The following INAVA variants were observed in gnomAD, a reference collection of about 807,000 sequenced individuals.
The protein encoded by INAVA is innate immunity activator protein.
In INAVA, 32 loss-of-function variants were observed where a neutral mutation model predicts 55.3. That is an observed-to-expected ratio of 0.58 (90% CI 0.44 to 0.78). INAVA has a LOEUF of 0.78. INAVA is among the 30% of genes least tolerant of loss of function. The pLI, the probability that INAVA is intolerant of heterozygous loss-of-function variation, is 0.00. For synonymous variants in INAVA, 294 were observed against 329.4 expected (o/e 0.89, Z 1.16); for missense variants, 756 against 786.4 (o/e 0.96, Z 0.46).
intron 8 of INAVA, among the ~76,000 whole-genome samples, chr1:200,910,915 A>C (rs2102315712): frequency 6.6e-6 from 1 of 152,330 alleles, no homozygotes; most frequent in East Asian, 1.9e-4. Context: ...TGGGTACCAC[A>C]TGACAGCTTT....
chr1:200,908,796 A>G lies in INAVA; in HGVS notation c.641A>G (p.Gln214Arg). The G allele has an allele frequency of 6.2e-7, 1 of 1,613,312 alleles. No individual in the cohort carries two copies. Among genetic ancestry groups the G allele is most frequent in the Non-Finnish European group, 8.5e-7 (1 of 1,179,688 alleles). ...CCACCTTCTCGGCCTCTCCCACCCC[A>G]AACCCTTGAGGGTCTGCAGCCAACA... is the stretch of plus-strand genomic sequence containing the variant. ...PAPPSRPLPP[Q>R]TLEGLQPTGP... The change falls in exon 7 of 10, where the codon CAA (glutamine) becomes CGA (arginine). Residue 214 changes from glutamine (Q) to arginine (R), a missense_variant. Gln to Arg is a conservative substitution (Grantham distance 43, BLOSUM62 1). This residue lies in a region of INAVA where 639 missense variants were observed against 624.3 expected (regional missense o/e 1.02). Coordinates refer to ENST00000413687, the MANE Select transcript of INAVA (RefSeq NM_001142569.3).
At chr1:200,891,560 T>TA, upstream of INAVA, 6 of 1,603,050 alleles carry the variant, frequency 3.7e-6, no homozygotes, top group Non-Finnish European at 5.1e-6. Context: ...ATGCCGAAGT[T>TA]AAATGAAATA....
chr1:200,911,719 C>T lies in INAVA; in HGVS notation c.1226C>T (p.Ala409Val). The T allele has an allele frequency of 1.9e-6, 3 of 1,613,098 alleles. No individual in the cohort carries two copies. The highest frequency in any genetic ancestry group is 1.1e-5 in the South Asian group (1 of 91,034). The part of the protein sequence containing the change: ...SPPKTHRHRG[A>V]WVPAGSRELV... ...CCCAAGACCCATCGTCACCGCGGGG[C>T]CTGGGTCCCAGCCGGCAGCAGAGAG... is the stretch of plus-strand genomic sequence containing the variant. Residue 409 changes from alanine to valine, a missense_variant, in exon 9 of 10, where the codon GCC becomes GTC. Ala to Val is a moderately conservative substitution (Grantham distance 64). Transcript: ENST00000413687.
chr1:200,899,403 G>C, intron 2 of INAVA, 70 bp from the exon 3 acceptor site: 1 of 1,600,770 alleles, frequency 6.2e-7, no homozygotes, highest in Non-Finnish European at 8.5e-7. Context: ...TCCCCTAGGG[G>C]TGGTCAATAA....
intron 9 of INAVA, 140 bp downstream of exon 9, chr1:200,912,277 C>G (rs1653785967): frequency 2.3e-6 from 2 of 861,860 alleles, no homozygotes; most frequent in Middle Eastern, 3.4e-4. Context: ...CTAGGAAGAA[C>G]AGGCCAAAAA....
At chr1:200,899,336 C>A in intron 2 of INAVA, 137 bp from the exon 3 acceptor site, 1 of 1,304,384 alleles carries the variant, frequency 7.7e-7, no homozygotes, top group Non-Finnish European at 1.1e-6. Context: ...AGCCAGCCTG[C>A]AATTTGTGGG....
intron 9 of INAVA, among the ~76,000 whole-genome samples, chr1:200,912,605 C>T (rs764854866): frequency 1.3e-5 from 2 of 152,110 alleles, no homozygotes; most frequent in East Asian, 1.9e-4. Flanking sequence ...ACCACCAAGC[C>T]GAGAAGAAGG....
Position 200,901,006 on chromosome 1 carries a change from T to C in INAVA, c.367T>C (p.Cys123Arg), listed in dbSNP as rs1653229993. The C allele has an allele frequency of 6.4e-7, 1 of 1,551,424 alleles. No homozygotes were observed. The highest frequency in any genetic ancestry group is 2.0e-5 in the Admixed American group (1 of 51,164). Residue 123 changes from cysteine to arginine, a missense_variant, in exon 5 of 10, where the codon TGC becomes CGC. Physicochemically the swap from Cys to Arg is radical, Grantham distance 180 (BLOSUM62 -3). Around this residue, in one of 2 missense-constraint regions of INAVA, gnomAD observed 639 missense variants for 624.3 expected, o/e 1.02. Transcript: ENST00000413687. ...GATCACAGAGGCAGCCCGTCGGCTG[T>C]GCCTGGAGGAGAACCTCAGCAGGCA... ...LQITEAARRL[C>R]LEENLSRQAR...
chr1:200,894,734 C>T (rs899715573), upstream of INAVA: 109 of 947,242 alleles, frequency 1.2e-4, 1 homozygote, highest in Middle Eastern at 2.7e-3. Flanking sequence ...GGGGATTCCT[C>T]CATGGGAGCC....
intron 2 of INAVA, among the ~76,000 whole-genome samples, chr1:200,898,853 C>T (rs1236598396): frequency 6.6e-6 from 1 of 152,046 alleles, no homozygotes; most frequent in Non-Finnish European, 1.5e-5. Flanking sequence ...TCCTGGCTAC[C>T]ACATAGTCCC....
intron 6 of INAVA, 49 bp from the exon 7 acceptor site, chr1:200,908,681 G>T: frequency 6.8e-7 from 1 of 1,471,088 alleles, no homozygotes; most frequent in East Asian, 2.4e-5. Flanking sequence ...TTCTTGTTGG[G>T]CCGGTTCCCC....
At chr1:200,907,766 G>T in intron 5 of INAVA, 68 bp from the exon 6 acceptor site, 1 of 1,376,842 alleles carries the variant, frequency 7.3e-7, no homozygotes, top group Non-Finnish European at 1.0e-6. Context: ...GCTCAGCACT[G>T]CTGGTTACTC....
At chr1:200,904,674 AG>A (rs921022288) in intron 5 of INAVA, among the ~76,000 whole-genome samples, 1 of 151,134 alleles carries the variant, frequency 6.6e-6, no homozygotes, top group Non-Finnish European at 1.5e-5. Context: ...GAGCTAGGGC[AG>A]GGTTGGGACA....
At chr1:200,903,411 G>A (rs1465643541) in intron 5 of INAVA, among the ~76,000 whole-genome samples, 2 of 151,994 alleles carry the variant, frequency 1.3e-5, no homozygotes, top group Non-Finnish European at 2.9e-5. Context: ...TTGAACCTGG[G>A]AGGTGGAGCC....
At position 200,909,415 on chromosome 1, in the gene INAVA, C is replaced by A; in HGVS notation, c.959+18C>A. On this transcript the variant is annotated intron_variant, in intron 8 of 9. Transcript: ENST00000413687. The stretch of plus-strand genomic sequence containing the variant: ...TCTCTGAGGTAAGAGACAGCTTCCC[C>A]AGAGAGATGGGGGACCCACTTAGAG... 6.4e-7 allele frequency: 1 copy of A among 1,551,106 alleles called. No individual in the cohort carries two copies. Among genetic ancestry groups the A allele is most frequent in the Non-Finnish European group, 8.8e-7 (1 of 1,142,222 alleles).
chr1:200,900,257 C>A, intron 4 of INAVA, 37 bp downstream of exon 4: 1 of 1,564,448 alleles, frequency 6.4e-7, no homozygotes, highest in Non-Finnish European at 8.8e-7. Flanking sequence ...ACCCCTCGAT[C>A]CCCAAAGCTG....
intron 9 of INAVA, among the ~76,000 whole-genome samples, chr1:200,912,800 T>C (rs1336301066): frequency 3.9e-5 from 6 of 152,214 alleles, no homozygotes; most frequent in South Asian, 4.2e-4. Context: ...CTGAAATGAT[T>C]AGAGCAATGC....
chr1:200,908,595 G>C, intron 6 of INAVA, 135 bp from the exon 7 acceptor site: 1 of 730,508 alleles, frequency 1.4e-6, no homozygotes, highest in South Asian at 2.0e-5. Flanking sequence ...TCTAGGGCTG[G>C]AGCCATGGCC....
At chr1:200,902,181 T>C (rs930730566) in intron 5 of INAVA, among the ~76,000 whole-genome samples, 4 of 152,284 alleles carry the variant, frequency 2.6e-5, no homozygotes, top group Non-Finnish European at 5.9e-5. Context: ...CAGGCTCCCA[T>C]CCCTGCATAT....
Sources: gnomAD v4.1 joint callset for allele counts (sites outside exome capture counted in the v4.1 genomes callset) on GRCh38, gnomAD v4.1.1 for gene constraint, gnomAD v4.1.1 regional missense constraint, MANE v1.5 for transcripts, NCBI Gene and HGNC (gene_info 2026-07-23, HGNC 2026-07-21) for gene names.